GRAMD2B: variants seen among roughly 807,000 people sequenced by gnomAD.
The protein encoded by GRAMD2B is GRAM domain containing 2B, also known as GRAM domain-containing protein 2B.
In GRAMD2B, 41 loss-of-function variants were observed where a neutral mutation model predicts 59.2. That is an observed-to-expected ratio of 0.69 (90% confidence interval 0.54 to 0.90). The LOEUF is 0.90. Ranked by LOEUF, GRAMD2B falls within the 40% of genes least tolerant of loss-of-function variation. The pLI, the probability that GRAMD2B is intolerant of heterozygous loss-of-function variation, is 0.00. For synonymous variants in GRAMD2B, 161 were observed against 182.7 expected, an observed-to-expected ratio of 0.88 and a Z score of 0.96; for missense variants, 424 against 500.5, an observed-to-expected ratio of 0.85 and a Z score of 1.46.
intron 1 of GRAMD2B, among the ~76,000 whole-genome samples, chr5:126,412,917 G>A (rs1297180856): frequency 6.6e-6 from 1 of 152,056 alleles, no homozygotes; most frequent in African/African-American, 2.4e-5. Flanking sequence ...AATAGTCTCT[G>A]AGGATCTTCT....
chr5:126,490,318 C>A (rs904901263), intron 13 of GRAMD2B: 1 of 148,908 alleles, frequency 6.7e-6, no homozygotes, highest in African/African-American at 2.5e-5. Context: ...GGGATCCTGC[C>A]GCCTTCTTTT....
intron 1 of GRAMD2B, among the ~76,000 whole-genome samples, chr5:126,387,267 T>A (rs1756236095): frequency 2.3e-5 from 1 of 43,542 alleles, no homozygotes; most frequent in South Asian, 1.9e-3. Flanking sequence ...AAATTTTAAC[T>A]CTTCTGAAAA....
intron 1 of GRAMD2B, among the ~76,000 whole-genome samples, chr5:126,386,295 A>AG (rs1373916895): frequency 1.3e-5 from 2 of 152,190 alleles, no homozygotes; most frequent in African/African-American, 2.4e-5. Context: ...CAACATTCAA[A>AG]GGCAAATCCG....
rs762936069 is a variant in GRAMD2B, at chr5:126,477,806, G to A, written c.582+19G>A. The A allele has an allele frequency of 3.0e-5, 44 of 1,491,386 alleles. No homozygotes were observed. The highest frequency in any genetic ancestry group is 1.0e-4 in the Admixed American group (6 of 59,846). The allele number at this position is 1,491,386 out of a possible 1,614,324, so 92.4% of individuals were successfully genotyped here. ...AGACAGGGTGAGTATGCAGCCGAGC[G>A]AGGGCATCTTTGCTTTGTCCTCCTG... On this transcript the variant is annotated intron_variant, in intron 6 of 13. Transcript: ENST00000285689.
intron 1 of GRAMD2B, among the ~76,000 whole-genome samples, chr5:126,403,364 T>C (rs1757991470): frequency 6.6e-6 from 1 of 152,008 alleles, no homozygotes; most frequent in Non-Finnish European, 1.5e-5. Flanking sequence ...ACTGTTTATG[T>C]AGGAAAATAT....
exon 1 of GRAMD2B, chr5:126,360,269 T>A (rs1754159360): frequency 3.9e-6 from 6 of 1,539,274 alleles, no homozygotes; most frequent in Non-Finnish European, 5.3e-6. Flanking sequence ...AGATCTGGTG[T>A]AAATACAAAG....
At chr5:126,465,165 A>G in intron 1 of GRAMD2B, 1 of 1,332,342 alleles carries the variant, frequency 7.5e-7, no homozygotes, top group South Asian at 1.6e-5. Flanking sequence ...AGAGCTGGGC[A>G]GCACAGACCT....
intron 1 of GRAMD2B, among the ~76,000 whole-genome samples, chr5:126,443,572 A>G (rs1763655689): frequency 6.6e-6 from 1 of 152,180 alleles, no homozygotes; most frequent in Non-Finnish European, 1.5e-5. Context: ...CTCTTCAAAG[A>G]CATCTTTGCC....
intron 1 of GRAMD2B, among the ~76,000 whole-genome samples, chr5:126,379,727 G>A (rs984933672): frequency 6.6e-6 from 1 of 152,030 alleles, no homozygotes; most frequent in African/African-American, 2.4e-5. Flanking sequence ...GTCTATTCAT[G>A]TCCTTAGCCC....
chr5:126,404,757 G>A (rs942549750), intron 1 of GRAMD2B, among the ~76,000 whole-genome samples: 41 of 152,008 alleles, frequency 2.7e-4, no homozygotes, highest in Admixed American at 8.5e-4. Context: ...GAGAGGAAGA[G>A]GAGTGCATTA....
intron 1 of GRAMD2B, among the ~76,000 whole-genome samples, chr5:126,416,008 A>T (rs1370281184): frequency 6.6e-6 from 1 of 152,358 alleles, no homozygotes; most frequent in Admixed American, 6.5e-5. Flanking sequence ...AGAACATGCC[A>T]ATCATGGCAG....
chr5:126,377,481 T>C (rs529861954), intron 1 of GRAMD2B, among the ~76,000 whole-genome samples: 1 of 152,314 alleles, frequency 6.6e-6, no homozygotes, highest in East Asian at 1.9e-4. Context: ...GATAGTATTT[T>C]AACTGCAAGT....
At chr5:126,409,288 G>C (rs563418853) in intron 1 of GRAMD2B, among the ~76,000 whole-genome samples, 1 of 152,140 alleles carries the variant, frequency 6.6e-6, no homozygotes, top group Non-Finnish European at 1.5e-5. Context: ...GTTTAAACTA[G>C]TTTACAGTCC....
intron 1 of GRAMD2B, among the ~76,000 whole-genome samples, chr5:126,414,918 A>G (rs1488576363): frequency 6.6e-6 from 1 of 152,122 alleles, no homozygotes; most frequent in East Asian, 1.9e-4. Context: ...TTTATACAAC[A>G]TTTCTATGTA....
At chr5:126,484,599 T>A in intron 10 of GRAMD2B, 75 bp downstream of exon 10, 2 of 1,260,874 alleles carry the variant, frequency 1.6e-6, no homozygotes, top group Middle Eastern at 2.8e-4. Context: ...TTTTTTTTTT[T>A]AGACAGCATC....
At chr5:126,464,352 C>T (rs757699256) in intron 1 of GRAMD2B, among the ~76,000 whole-genome samples, 17 of 152,184 alleles carry the variant, frequency 1.1e-4, no homozygotes, top group Non-Finnish European at 2.1e-4. Flanking sequence ...TCAGAAGTAT[C>T]GTTTGTGTTT....
intron 1 of GRAMD2B, among the ~76,000 whole-genome samples, chr5:126,444,429 C>T (rs1054050784): frequency 1.3e-5 from 2 of 152,054 alleles, no homozygotes; most frequent in East Asian, 1.9e-4. Context: ...AACTGAATTC[C>T]GCAGATTTTT....
At chr5:126,397,940 C>T (rs1379910279) in intron 1 of GRAMD2B, among the ~76,000 whole-genome samples, 7 of 150,476 alleles carry the variant, frequency 4.7e-5, no homozygotes, top group African/African-American at 1.5e-4. Flanking sequence ...AGATGGACTG[C>T]TATTAAGTCT....
intron 1 of GRAMD2B, among the ~76,000 whole-genome samples, chr5:126,391,630 T>A (rs897273597): frequency 5.9e-5 from 9 of 152,198 alleles, no homozygotes; most frequent in African/African-American, 2.2e-4. Flanking sequence ...TGAAGTACTA[T>A]TATATGCCAC....
Sources: allele counts gnomAD v4.1 joint callset (sites outside exome capture counted in the v4.1 genomes callset), GRCh38; gene constraint gnomAD v4.1.1; transcripts MANE v1.5; gene names NCBI Gene and HGNC (gene_info 2026-07-23, HGNC 2026-07-21).